The following CNTN5 variants were observed in gnomAD, a reference collection of about 807,000 sequenced individuals.
CNTN5 encodes the protein contactin 5, also known as contactin-5.
Under a neutral mutation model 129.1 loss-of-function variants are expected in CNTN5, and 77 were observed. That is an observed-to-expected ratio of 0.60 (90% CI 0.50 to 0.72). CNTN5 has a LOEUF of 0.72. CNTN5 is among the 30% of genes least tolerant of loss of function. CNTN5 has a pLI of 0.00. For missense variants in CNTN5, 1,478 were observed against 1,328.8 expected, an observed-to-expected ratio of 1.11 and a Z score of -1.75; for synonymous variants, 509 against 465.6, an observed-to-expected ratio of 1.09 and a Z score of -1.20.
intron 1 of CNTN5, among the ~76,000 whole-genome samples, chr11:99,217,170 A>G (rs1350410640): frequency 1.3e-5 from 2 of 152,254 alleles, no homozygotes; most frequent in Non-Finnish European, 1.5e-5. Context: ...ACAAAGCAAG[A>G]CTCCATCTCA....
intron 1 of CNTN5, among the ~76,000 whole-genome samples, chr11:99,297,943 G>C (rs1841613): frequency 0.92 from 140,152 of 152,150 alleles, 64,640 homozygotes; most frequent in East Asian, 1. Context: ...TGGACCCAGT[G>C]CAGTTTCTGT....
rs753814548 is a variant in CNTN5, at chr11:100,299,177, T to A, written c.2401T>A (p.Phe801Ile). 9.4e-6 allele frequency: 15 copies of A among 1,603,168 alleles called. No homozygotes were observed. The Admixed American group carries it at 2.4e-4, about 25-fold the overall frequency. Residue 801 changes from phenylalanine (F) to isoleucine (I), a missense_variant, in exon 20 of 25, where the codon TTT (phenylalanine) becomes ATT (isoleucine). Phe to Ile is a conservative substitution (Grantham distance 21). Coordinates refer to ENST00000524871, the MANE Select transcript of CNTN5 (RefSeq NM_014361.4). ...VIAWEPVSEEFQNGEGFGYIV... is the reference protein window; with the variant it reads ...VIAWEPVSEEIQNGEGFGYIV... ...TCTTCTTTAGCCAGTATCTGAAGAG[T>A]TTCAGAATGGGGAAGGCTTCGGCTA...
At chr11:99,287,032 G>A (rs1440523120) in intron 1 of CNTN5, among the ~76,000 whole-genome samples, 1 of 152,052 alleles carries the variant, frequency 6.6e-6, no homozygotes. Flanking sequence ...TGTATGCATT[G>A]CCTGGAAAGT....
At chr11:100,117,066 T>TA (rs1025389771) in intron 13 of CNTN5, among the ~76,000 whole-genome samples, 3 of 151,910 alleles carry the variant, frequency 2.0e-5, no homozygotes, top group Non-Finnish European at 2.9e-5. Flanking sequence ...TGTATTCAGT[T>TA]AAAAAATAAA....
chr11:99,149,230 C>G (rs749032848), intron 1 of CNTN5, among the ~76,000 whole-genome samples: 1 of 152,018 alleles, frequency 6.6e-6, no homozygotes, highest in South Asian at 2.1e-4. Context: ...GGTTACAAAT[C>G]TTGTGTGTCA....
intron 1 of CNTN5, among the ~76,000 whole-genome samples, chr11:99,234,151 T>G (rs1861147910): frequency 6.6e-6 from 1 of 152,134 alleles, no homozygotes; most frequent in African/African-American, 2.4e-5. Flanking sequence ...AATGAATTTG[T>G]GAACTTTGAG....
chr11:100,349,111 C>T (rs2139034477), intron 23 of CNTN5, among the ~76,000 whole-genome samples: 2 of 151,764 alleles, frequency 1.3e-5, no homozygotes, highest in Admixed American at 1.3e-4. Context: ...ATTCACTTCC[C>T]TCCCAAGAAC....
chr11:99,492,435 T>G (rs773622460), intron 2 of CNTN5, among the ~76,000 whole-genome samples: 4 of 152,216 alleles, frequency 2.6e-5, no homozygotes, highest in Non-Finnish European at 5.9e-5. Context: ...CTCAGCATTC[T>G]TTTTTCTTTG....
At chr11:99,436,227 G>C (rs910566248) in intron 2 of CNTN5, among the ~76,000 whole-genome samples, 3 of 152,102 alleles carry the variant, frequency 2.0e-5, no homozygotes, top group Non-Finnish European at 2.9e-5. Flanking sequence ...ACTGTCATTA[G>C]CACGTTACAA....
intron 1 of CNTN5, among the ~76,000 whole-genome samples, chr11:99,064,813 A>G (rs1170915842): frequency 6.6e-6 from 1 of 152,090 alleles, no homozygotes; most frequent in Non-Finnish European, 1.5e-5. Flanking sequence ...TATTCTTGTA[A>G]AAACCAGTAC....
chr11:99,041,068 G>A (rs1018685260), intron 1 of CNTN5, among the ~76,000 whole-genome samples: 2 of 152,002 alleles, frequency 1.3e-5, no homozygotes, highest in Non-Finnish European at 2.9e-5. Context: ...TTTCTCATTT[G>A]TTCAATGAGA....
intron 21 of CNTN5, among the ~76,000 whole-genome samples, chr11:100,335,695 G>A (rs1203930309): frequency 6.6e-6 from 1 of 151,750 alleles, no homozygotes; most frequent in Non-Finnish European, 1.5e-5. Context: ...TTGAACCCAG[G>A]AGCTGGAGGT....
chr11:99,524,446 A>T (rs1317738545), intron 2 of CNTN5, among the ~76,000 whole-genome samples: 2 of 152,208 alleles, frequency 1.3e-5, no homozygotes, highest in Admixed American at 6.5e-5. Context: ...ACTATTTGTG[A>T]CAAATCACCA....
intron 8 of CNTN5, among the ~76,000 whole-genome samples, chr11:99,986,709 G>A (rs1473049110): frequency 6.6e-6 from 1 of 152,074 alleles, no homozygotes; most frequent in Non-Finnish European, 1.5e-5. Flanking sequence ...TCGTCCAAGA[G>A]TTGTTTAAAC....
intron 3 of CNTN5, among the ~76,000 whole-genome samples, chr11:99,671,926 G>A (rs1953062511): frequency 6.6e-6 from 1 of 152,058 alleles, no homozygotes; most frequent in Admixed American, 6.6e-5. Context: ...ACACACACCT[G>A]GTTTGCTGAG....
At chr11:99,517,879 T>C (rs1947119071) in intron 2 of CNTN5, among the ~76,000 whole-genome samples, 1 of 152,116 alleles carries the variant, frequency 6.6e-6, no homozygotes, top group Non-Finnish European at 1.5e-5. Context: ...AGGGACAATG[T>C]TATATTTTGT....
chr11:99,706,737 C>A (rs886824253), intron 3 of CNTN5, among the ~76,000 whole-genome samples: 3 of 151,064 alleles, frequency 2.0e-5, no homozygotes, highest in South Asian at 2.1e-4. Flanking sequence ...TTTTTTCTTG[C>A]CTGTGGAAGA....
In CNTN5 at chr11:99,169,415, A is replaced by C. The variant is rs534694706; in HGVS notation, c.-210+148145A>C. Among the ~76,000 whole-genome samples, 4 of 148,760 alleles carry C rather than the reference A, an allele frequency of 2.7e-5. No individual in the cohort carries two copies. In the South Asian group the frequency reaches 8.9e-4, roughly 33 times the overall value. ...GTGTATTTAGTATAGATAATTTTCC[A>C]CATATGCCCATAATACGTACATATG... is the stretch of plus-strand genomic sequence containing the variant. On this transcript the variant is annotated intron_variant, in intron 1 of 24. Coordinates refer to ENST00000524871, the MANE Select transcript of CNTN5 (RefSeq NM_014361.4).
chr11:99,725,215 T>C (rs1943297059), intron 3 of CNTN5, among the ~76,000 whole-genome samples: 1 of 152,126 alleles, frequency 6.6e-6, no homozygotes, highest in African/African-American at 2.4e-5. Flanking sequence ...TGAGATGCAC[T>C]GGGATTTTTA....
Sources: allele counts gnomAD v4.1 joint callset (sites outside exome capture counted in the v4.1 genomes callset), GRCh38; gene constraint gnomAD v4.1.1; transcripts MANE v1.5; gene names NCBI Gene and HGNC (gene_info 2026-07-23, HGNC 2026-07-21).